Variants in MEIKIN observed in about 807,000 individuals in gnomAD.
MEIKIN encodes meiosis-specific kinetochore protein.
intron 11 of MEIKIN, among the ~76,000 whole-genome samples, chr5:131,842,003 ACTT>A (rs1438402822): frequency 1.3e-5 from 2 of 150,986 alleles, no homozygotes; most frequent in Non-Finnish European, 3.0e-5. Flanking sequence ...AGACAATTTA[ACTT>A]CTTTTTTTTT....
chr5:131,841,422 T>G lies in MEIKIN; in HGVS notation c.975+9842A>C, dbSNP rs573194349. Among the ~76,000 whole-genome samples the G allele has an allele frequency of 4.2e-4, 64 of 152,298 alleles. No homozygotes were observed. In the South Asian group the frequency reaches 0.013, roughly 31 times the overall value. On this transcript the variant is annotated intron_variant, in intron 11 of 12. Transcript: ENST00000442687. ...GTGGATCCTAGGGTGCCTGCCTCCC[T>G]ACGGGCATTTACAGCAGCAGTATGT...
chr5:131,940,401 A>C (rs988695539), intron 4 of MEIKIN, among the ~76,000 whole-genome samples: 1 of 152,166 alleles, frequency 6.6e-6, no homozygotes, highest in Admixed American at 6.5e-5. Context: ...ATTTGAAATA[A>C]TATTTTTAGT....
At chr5:131,888,361 TC>T (rs1273243929) in intron 8 of MEIKIN, among the ~76,000 whole-genome samples, 1 of 142,918 alleles carries the variant, frequency 7.0e-6, no homozygotes, top group Non-Finnish European at 1.5e-5. Context: ...CCACATCCTC[TC>T]CAGCACCTGT....
chr5:131,899,866 T>C (rs1751126315), intron 8 of MEIKIN, among the ~76,000 whole-genome samples: 1 of 152,146 alleles, frequency 6.6e-6, no homozygotes, highest in Admixed American at 6.5e-5. Context: ...AATACAAAAA[T>C]TGCTGGAGAT....
chr5:131,875,249 C>T (rs1226039898), intron 9 of MEIKIN, among the ~76,000 whole-genome samples: 1 of 152,210 alleles, frequency 6.6e-6, no homozygotes, highest in Non-Finnish European at 1.5e-5. Context: ...AAAACCCCAT[C>T]TTCTCAGCCC....
chr5:131,938,356 CAG>C (rs1355397568), intron 4 of MEIKIN, among the ~76,000 whole-genome samples: 2 of 151,910 alleles, frequency 1.3e-5, no homozygotes, highest in African/African-American at 2.4e-5. Flanking sequence ...TTAGTAGAGA[CAG>C]GGTTTCACCG....
chr5:131,845,275 A>AAAAAAG (rs1749996890), intron 11 of MEIKIN, among the ~76,000 whole-genome samples: 3 of 142,140 alleles, frequency 2.1e-5, no homozygotes, highest in Non-Finnish European at 4.5e-5. Context: ...TTCGTCTTAA[A>AAAAAAG]AAAAAAAAAA....
chr5:131,937,061 AGTT>A (rs775499450), intron 4 of MEIKIN, among the ~76,000 whole-genome samples: 15 of 151,992 alleles, frequency 9.9e-5, no homozygotes, highest in Non-Finnish European at 1.9e-4. Context: ...CATCCTACAC[AGTT>A]GTTTTCTTGG....
At chr5:131,909,811 A>G (rs1414874653) in intron 8 of MEIKIN, among the ~76,000 whole-genome samples, 2 of 152,226 alleles carry the variant, frequency 1.3e-5, no homozygotes, top group Non-Finnish European at 2.9e-5. Context: ...AAACAGGTCT[A>G]TGAAAAGGTG....
At chr5:131,827,513 A>G (rs1259816893) in intron 11 of MEIKIN, among the ~76,000 whole-genome samples, 1 of 152,208 alleles carries the variant, frequency 6.6e-6, no homozygotes, top group East Asian at 1.9e-4. Flanking sequence ...GAGAAGGTTG[A>G]AAATAAAAGG....
chr5:131,842,984 C>T (rs1236281453), intron 11 of MEIKIN, among the ~76,000 whole-genome samples: 1 of 152,244 alleles, frequency 6.6e-6, no homozygotes, highest in East Asian at 1.9e-4. Flanking sequence ...GCAGAGGTTC[C>T]CAAACCTCAA....
At chr5:131,860,849 C>A (rs1428074795) in intron 9 of MEIKIN, among the ~76,000 whole-genome samples, 1 of 146,506 alleles carries the variant, frequency 6.8e-6, no homozygotes, top group Non-Finnish European at 1.5e-5. Flanking sequence ...GCAACCTCCA[C>A]CTCCTGGGCT....
At position 131,818,835 on chromosome 5, in the gene MEIKIN, C is replaced by T. The variant is rs1363974856; in HGVS notation, c.1004G>A (p.Cys335Tyr). Residue 335 changes from cysteine to tyrosine, a missense_variant, in exon 12 of 13, where the codon TGT becomes TAT. By Grantham distance (194) the Cys-to-Tyr change is radical (BLOSUM62 -2). Coordinates refer to ENST00000442687, the MANE Select transcript of MEIKIN (RefSeq NM_001303622.2). ...AGTTCCTGGTGATGTTCTAATAATA[C>T]AACATATTTCTGATGCATTTGCAGG... is the stretch of plus-strand genomic sequence containing the variant. ...EFPANASEIC[C>Y]IIRTSPGTRQ... 2.5e-6 allele frequency: 1 copy of T among 397,884 alleles called. No individual in the cohort carries two copies. The highest frequency in any genetic ancestry group is 4.4e-6 in the Non-Finnish European group (1 of 225,750). The allele number at this position is 397,884 out of a possible 1,614,324, so 24.6% of individuals were successfully genotyped here.
chr5:131,857,216 A>G (rs1750210482), intron 9 of MEIKIN, among the ~76,000 whole-genome samples: 1 of 152,258 alleles, frequency 6.6e-6, no homozygotes, highest in Non-Finnish European at 1.5e-5. Context: ...TAGTGCTATA[A>G]AAACATTTCC....
intron 11 of MEIKIN, among the ~76,000 whole-genome samples, chr5:131,838,805 C>A (rs746879216): frequency 6.6e-6 from 1 of 151,824 alleles, no homozygotes; most frequent in Non-Finnish European, 1.5e-5. Context: ...AAAAACCAAC[C>A]CCTGGATTTG....
At chr5:131,870,577 AT>A (rs1200189435) in intron 9 of MEIKIN, among the ~76,000 whole-genome samples, 1 of 152,282 alleles carries the variant, frequency 6.6e-6, no homozygotes, top group African/African-American at 2.4e-5. Context: ...CCTTCTCAAC[AT>A]TTCCATCTTC....
intron 7 of MEIKIN, among the ~76,000 whole-genome samples, chr5:131,915,755 A>G (rs1751406468): frequency 1.3e-5 from 2 of 152,198 alleles, no homozygotes; most frequent in Non-Finnish European, 2.9e-5. Flanking sequence ...CCAGCTAAAT[A>G]GGGGAGAAGG....
rs1294573481 is a variant in MEIKIN at position 131,850,863 on chromosome 5, C to G, written c.975+401G>C. ...GCTGAGATGGCAGAATCACCTAAAT[C>G]CTGGAAGTCAAGGCTGCAGTGAGTC... On this transcript the variant is annotated intron_variant, in intron 11 of 12. Transcript: ENST00000442687. 3.9e-5 allele frequency among the ~76,000 whole-genome samples: 6 copies of G among 152,016 alleles called. No homozygotes were observed. The East Asian group carries it at 1.2e-3, about 29-fold the overall frequency.
At chr5:131,831,490 G>C (rs1447897499) in intron 11 of MEIKIN, among the ~76,000 whole-genome samples, 1 of 152,210 alleles carries the variant, frequency 6.6e-6, no homozygotes, top group Non-Finnish European at 1.5e-5. Flanking sequence ...CCAGGAGTTT[G>C]AGATTACAGT....
Sources: allele counts gnomAD v4.1 joint callset (sites outside exome capture counted in the v4.1 genomes callset), GRCh38; gene constraint gnomAD v4.1.1; transcripts MANE v1.5; gene names NCBI Gene and HGNC (gene_info 2026-07-23, HGNC 2026-07-21).